The following BLNK variants were observed in gnomAD, a reference collection of about 807,000 sequenced individuals.
The protein encoded by BLNK is B-cell linker protein.
A neutral mutation model predicts 73.5 loss-of-function variants in BLNK; 29 were observed. The observed-to-expected ratio is 0.39, with a 90% confidence interval of 0.29 to 0.54. The LOEUF (loss-of-function observed/expected upper bound fraction) is 0.54, where lower values mean the gene tolerates loss of function less well. BLNK is among the 20% of genes least tolerant of loss of function. The pLI is 0.61. For synonymous variants in BLNK, 176 were observed against 200.8 expected, an observed-to-expected ratio of 0.88 and a Z score of 1.04; for missense variants, 460 against 562.8, an observed-to-expected ratio of 0.82 and a Z score of 1.85.
Position 96,271,320 on chromosome 10 carries a change from T to A in BLNK, c.47+32A>T, listed in dbSNP as rs373963989. Reference sequence around the variant, plus strand: ...GAGCACTGGGGGGAAAAAAAGGAGATGAAGAAGGGTATTGGGTGGGGAAAA... The same window carrying A: ...GAGCACTGGGGGGAAAAAAAGGAGAAGAAGAAGGGTATTGGGTGGGGAAAA... On this transcript the variant is annotated intron_variant, in intron 1 of 16. Transcript: ENST00000224337. The A allele has an allele frequency of 1.5e-4, 236 of 1,610,158 alleles. No individual in the cohort carries two copies. The Middle Eastern group carries it at 2.5e-3, about 17-fold the overall frequency.
At chr10:96,220,569 A>G (rs1188808279) in intron 6 of BLNK, among the ~76,000 whole-genome samples, 4 of 152,216 alleles carry the variant, frequency 2.6e-5, no homozygotes, top group African/African-American at 9.6e-5. Context: ...ATCACATTTT[A>G]TGTCCTTTAT....
intron 5 of BLNK, among the ~76,000 whole-genome samples, chr10:96,226,024 G>A (rs2134026800): frequency 6.6e-6 from 1 of 152,262 alleles, no homozygotes; most frequent in African/African-American, 2.4e-5. Flanking sequence ...TGTGATGATT[G>A]AAAAAGATCA....
At chr10:96,210,439 A>T (rs1473896195) in intron 8 of BLNK, 1 of 164,296 alleles carries the variant, frequency 6.1e-6, no homozygotes, top group Non-Finnish European at 1.3e-5. Context: ...TTACTCACTC[A>T]TCTCTGAGTT....
chr10:96,206,260 G>A (rs1324585916), intron 11 of BLNK, among the ~76,000 whole-genome samples: 1 of 152,142 alleles, frequency 6.6e-6, no homozygotes, highest in Non-Finnish European at 1.5e-5. Flanking sequence ...GTATCTTCAA[G>A]TATGGAATTA....
At chr10:96,234,897 C>A (rs1359098078) in intron 3 of BLNK, among the ~76,000 whole-genome samples, 2 of 152,252 alleles carry the variant, frequency 1.3e-5, no homozygotes, top group East Asian at 3.8e-4. Context: ...ATTCCATGGT[C>A]TCTGCCAGGA....
chr10:96,242,682 T>A (rs1842916190), intron 3 of BLNK, 53 bp downstream of exon 3: 1 of 1,499,252 alleles, frequency 6.7e-7, no homozygotes, highest in Non-Finnish European at 9.3e-7. Flanking sequence ...TAAATGTAAA[T>A]ATGAACATTA....
intron 2 of BLNK, among the ~76,000 whole-genome samples, chr10:96,246,378 C>A (rs928676690): frequency 1.3e-5 from 2 of 152,124 alleles, no homozygotes; most frequent in Admixed American, 1.3e-4. Context: ...CATGAAGAAA[C>A]CCTGTCTCTA....
At position 96,241,439 on chromosome 10, in the gene BLNK, T is replaced by C. The variant is rs587611769; in HGVS notation, c.163+1296A>G. Among the ~76,000 whole-genome samples the C allele has an allele frequency of 3.3e-5, 5 of 152,346 alleles. No individual in the cohort carries two copies. In the South Asian group the frequency reaches 1.0e-3, roughly 32 times the overall value. ...CTTGGCTCACCACTGCCAGAAACACTACAAATCTCAAAACTAACCCTTCTT... is the reference window on the plus strand; with the variant it reads ...CTTGGCTCACCACTGCCAGAAACACCACAAATCTCAAAACTAACCCTTCTT... On this transcript the variant is annotated intron_variant, in intron 3 of 16. Transcript: ENST00000224337.
At chr10:96,211,909 C>A (rs782507176) in intron 8 of BLNK, among the ~76,000 whole-genome samples, 14 of 152,212 alleles carry the variant, frequency 9.2e-5, no homozygotes, top group Admixed American at 6.5e-4. Flanking sequence ...GGAAGTGGAA[C>A]AAAATCTTGT....
chr10:96,259,337 G>A (rs1843645129), intron 1 of BLNK, among the ~76,000 whole-genome samples: 2 of 152,198 alleles, frequency 1.3e-5, no homozygotes, highest in Admixed American at 6.5e-5. Flanking sequence ...GGGAGGAAGA[G>A]GGAGAGTAAA....
chr10:96,221,670 T>C (rs1454850943), intron 6 of BLNK, among the ~76,000 whole-genome samples: 3 of 152,180 alleles, frequency 2.0e-5, no homozygotes, highest in Admixed American at 2.0e-4. Context: ...ACAGTATTCA[T>C]CTGCATTCTA....
chr10:96,239,299 T>G (rs1417438705), intron 3 of BLNK: 8 of 396,238 alleles, frequency 2.0e-5, no homozygotes, highest in African/African-American at 4.1e-5. Context: ...TCTGCAGGAG[T>G]GCAGAATAAT....
intron 8 of BLNK, 34 bp downstream of exon 8, chr10:96,215,287 C>T (rs782722761): frequency 1.4e-5 from 23 of 1,592,864 alleles, no homozygotes; most frequent in South Asian, 1.1e-4. Flanking sequence ...TTGAAATAGA[C>T]GTAAAACCAA....
intron 5 of BLNK, among the ~76,000 whole-genome samples, chr10:96,225,452 C>T (rs145667212): frequency 2.0e-5 from 3 of 152,316 alleles, no homozygotes; most frequent in Admixed American, 2.0e-4. Flanking sequence ...GCTGCCTCCT[C>T]AGAAGCCTCT....
chr10:96,256,750 G>C (rs7099796), intron 1 of BLNK, among the ~76,000 whole-genome samples: 114,111 of 151,870 alleles, frequency 0.75, 45,739 homozygotes, highest in Non-Finnish European at 0.9. Context: ...CAGTGGTGGC[G>C]TGTGCCTGTA....
At chr10:96,219,348 A>G (rs1453739080) in intron 6 of BLNK, among the ~76,000 whole-genome samples, 2 of 152,230 alleles carry the variant, frequency 1.3e-5, no homozygotes, top group African/African-American at 4.8e-5. Context: ...TTTCGGATTC[A>G]TTAGTAGCCA....
chr10:96,194,267 A>G (rs1396249668), intron 16 of BLNK, among the ~76,000 whole-genome samples: 3 of 152,220 alleles, frequency 2.0e-5, no homozygotes, highest in Non-Finnish European at 4.4e-5. Flanking sequence ...AGGATGTTAA[A>G]TGATAATGCG....
chr10:96,196,178 C>T (rs2083460257), intron 16 of BLNK, among the ~76,000 whole-genome samples: 1 of 152,202 alleles, frequency 6.6e-6, no homozygotes, highest in Admixed American at 6.5e-5. Flanking sequence ...GATTGTTCTT[C>T]CCATTTTTCT....
At chr10:96,202,665 A>T (rs2083676460) in intron 13 of BLNK, among the ~76,000 whole-genome samples, 1 of 152,108 alleles carries the variant, frequency 6.6e-6, no homozygotes, top group Non-Finnish European at 1.5e-5. Context: ...AAAAGGAAGG[A>T]TGTATTCTAA....
Sources: allele counts gnomAD v4.1 joint callset (sites outside exome capture counted in the v4.1 genomes callset), GRCh38; gene constraint gnomAD v4.1.1; transcripts MANE v1.5; gene names NCBI Gene and HGNC (gene_info 2026-07-23, HGNC 2026-07-21).